The following NPM2 variants were observed in gnomAD, a reference collection of about 807,000 sequenced individuals.
NPM2 encodes the protein nucleophosmin/nucleoplasmin 2.
Under a neutral mutation model 32.0 loss-of-function variants are expected in NPM2, and 25 were observed. That is an observed-to-expected ratio of 0.78 (90% CI 0.57 to 1.09). The LOEUF is 1.09. Ranked by LOEUF, NPM2 falls within the 50% of genes least tolerant of loss-of-function variation. The pLI, the probability that NPM2 is intolerant of heterozygous loss-of-function variation, is 0.00. For synonymous variants in NPM2, 111 were observed against 94.2 expected, an observed-to-expected ratio of 1.18 and a Z score of -1.04; for missense variants, 282 against 259.9, an observed-to-expected ratio of 1.08 and a Z score of -0.58.
At chr8:22,029,347 T>C (rs1800359619) in intron 5 of NPM2, among the ~76,000 whole-genome samples, 1 of 152,170 alleles carries the variant, frequency 6.6e-6, no homozygotes, top group South Asian at 2.1e-4. Context: ...ATTCACCACG[T>C]TGGCCAGGCT....
At chr8:22,028,485 ATTT>A (rs34390285) in intron 5 of NPM2, among the ~76,000 whole-genome samples, 1 of 139,318 alleles carries the variant, frequency 7.2e-6, no homozygotes, top group Non-Finnish European at 1.5e-5. Context: ...TGCCCAGCTG[ATTT>A]TTTTTTTTTT....
chr8:22,036,787 AG>A lies in NPM2; in HGVS notation c.*109del. 1 of 1,208,790 alleles carries A rather than the reference AG, an allele frequency of 8.3e-7. No individual in the cohort carries two copies. The highest frequency in any genetic ancestry group is 1.1e-6 in the Non-Finnish European group (1 of 885,386). 74.9% of individuals were successfully genotyped at this position (1,208,790 alleles called of 1,614,324 possible). ...CCCTCCACCTGTGTCTGAATGCAAC[AG>A]GGGTGTTGCGGGGGCAACATGAGAG... On this transcript the variant is annotated 3_prime_UTR_variant, in exon 10 of 10. Transcript: ENST00000518119.
At position 22,036,767 on chromosome 8, in the gene NPM2, C is replaced by A; in HGVS notation, c.*85C>A. ...ACAGGGTGCCCCTGTCCAGCCCCTC[C>A]ACCTGTGTCTGAATGCAACAGGGGT... is the stretch of plus-strand genomic sequence containing the variant. On this transcript the variant is annotated 3_prime_UTR_variant, in exon 10 of 10. Coordinates refer to ENST00000518119, the MANE Select transcript of NPM2 (RefSeq NM_001286680.2). 7.3e-7 allele frequency: 1 copy of A among 1,366,840 alleles called. No individual in the cohort carries two copies. The highest frequency in any genetic ancestry group is 9.8e-7 in the Non-Finnish European group (1 of 1,016,646). 84.7% of individuals were successfully genotyped at this position (1,366,840 alleles called of 1,614,324 possible).
At position 22,024,546 on chromosome 8, in the gene NPM2, C is replaced by T. The variant is rs1178755857; in HGVS notation, c.-218C>T. On this transcript the variant is annotated 5_prime_UTR_variant, in exon 1 of 10. Coordinates refer to ENST00000518119, the MANE Select transcript of NPM2 (RefSeq NM_001286680.2). ...TGGGAACTGGTTAGAACTACAAATT[C>T]CCTCGGCCCCACCCAGACCGACGCC... 1 of 152,402 alleles carries T rather than the reference C, an allele frequency of 6.6e-6. No individual in the cohort carries two copies. The highest frequency in any genetic ancestry group is 1.5e-5 in the Non-Finnish European group (1 of 68,182). The allele number at this position is 152,402 out of a possible 1,614,324, so 9.4% of individuals were successfully genotyped here.
In NPM2 at chr8:22,034,218, A is replaced by C; in HGVS notation, c.474A>C (p.Gln158His). 6.2e-7 allele frequency: 1 copy of C among 1,610,804 alleles called. No individual in the cohort carries two copies. The highest frequency in any genetic ancestry group is 8.5e-7 in the Non-Finnish European group (1 of 1,178,424). ...ATGCAGATATATCTCTGGAGGAGCAAAGCCCTGTCAAACAAGTCAAAAGGC... is the reference window on the plus strand; with the variant it reads ...ATGCAGATATATCTCTGGAGGAGCACAGCCCTGTCAAACAAGTCAAAAGGC... ...DEDADISLEEQSPVKQVKRLV... is the reference protein window; with the variant it reads ...DEDADISLEEHSPVKQVKRLV... The change falls in exon 7 of 10, where the codon CAA becomes CAC. Residue 158 changes from glutamine (Q) to histidine (H), a missense_variant. Gln to His is a conservative substitution (Grantham distance 24). Coordinates refer to ENST00000518119, the MANE Select transcript of NPM2 (RefSeq NM_001286680.2).
At position 22,024,142 on chromosome 8, in the gene NPM2, C is replaced by A; in HGVS notation, c.-622C>A. On this transcript the variant is annotated 5_prime_UTR_variant, in exon 1 of 10. Transcript: ENST00000518119. ...CGCTAGCCGTGCTCCTCAGTGTGCTCCCCGCCCCCTGCCGCGGCGCCTCGC... is the reference window on the plus strand; with the variant it reads ...CGCTAGCCGTGCTCCTCAGTGTGCTACCCGCCCCCTGCCGCGGCGCCTCGC... 1 of 152,894 alleles carries A rather than the reference C, an allele frequency of 6.5e-6. No individual in the cohort carries two copies. Among genetic ancestry groups the A allele is most frequent in the South Asian group, 1.9e-4 (1 of 5,156 alleles). 9.5% of individuals were successfully genotyped at this position (152,894 alleles called of 1,614,324 possible).
At chr8:22,025,106 C>T (rs990890672) in intron 2 of NPM2, 110 bp from the exon 3 acceptor site, 81 of 865,464 alleles carry the variant, frequency 9.4e-5, no homozygotes, top group Middle Eastern at 3.4e-4. Flanking sequence ...CAGGTCCCCT[C>T]CAGCCGCGAG....
intron 3 of NPM2, 30 bp downstream of exon 3, chr8:22,025,336 G>C: frequency 6.2e-7 from 1 of 1,601,614 alleles, no homozygotes; most frequent in South Asian, 1.1e-5. Context: ...CCTTCCCAGA[G>C]ACACGCCCCA....
At chr8:22,034,398 A>T in intron 7 of NPM2, 112 bp from the exon 8 acceptor site, 1 of 1,364,890 alleles carries the variant, frequency 7.3e-7, no homozygotes, top group South Asian at 1.3e-5. Flanking sequence ...GGCCAAGGCC[A>T]CCTCAGCTAG....
intron 5 of NPM2, among the ~76,000 whole-genome samples, chr8:22,030,996 T>A (rs981666279): frequency 2.0e-5 from 3 of 152,238 alleles, no homozygotes; most frequent in Admixed American, 6.5e-5. Context: ...TTTTGTTTTT[T>A]TCCAAAAGAA....
At chr8:22,026,454 C>CTTTTTTT (rs1171179196) in intron 5 of NPM2, among the ~76,000 whole-genome samples, 8,143 of 110,312 alleles carry the variant, frequency 0.074, 514 homozygotes, top group East Asian at 0.2. Flanking sequence ...CAGTTCTTGC[C>CTTTTTTT]TTTTTTTTTT....
chr8:22,026,220 G>C (rs536868084), intron 5 of NPM2, among the ~76,000 whole-genome samples: 165 of 152,114 alleles, frequency 1.1e-3, no homozygotes, highest in African/African-American at 3.9e-3. Flanking sequence ...ATCTGAGGTG[G>C]AGCAGTTTCA....
chr8:22,033,079 A>T, intron 5 of NPM2, 51 bp from the exon 6 acceptor site: 1 of 1,368,376 alleles, frequency 7.3e-7, no homozygotes. Flanking sequence ...CTAGTCCCCG[A>T]GAGGTGCCAG....
In NPM2 at chr8:22,025,648, T is replaced by A. The variant is rs1800220879; in HGVS notation, c.146T>A (p.Ile49Asn). The change falls in exon 5 of 10, where the codon ATT (isoleucine) becomes AAT (asparagine). Residue 49 changes from isoleucine to asparagine, a missense_variant and splice_region_variant. By Grantham distance (149) the Ile-to-Asn change is moderately radical (BLOSUM62 -3). Coordinates refer to ENST00000518119, the MANE Select transcript of NPM2 (RefSeq NM_001286680.2). ...GCCTCTATTTTCAACCCCGCTCAGA[T>A]TTGCTTGGGGGAGAAAGCCAAAGAG... is the stretch of plus-strand genomic sequence containing the variant. ...KQSCRLLLHT[I>N]CLGEKAKEEM... is the part of the protein sequence containing the mutation. 7 of 1,614,074 alleles carry A rather than the reference T, an allele frequency of 4.3e-6. No individual in the cohort carries two copies. The Admixed American group carries it at 1.2e-4, about 27-fold the overall frequency.
At chr8:22,027,665 G>A (rs764255458) in intron 5 of NPM2, among the ~76,000 whole-genome samples, 2 of 150,978 alleles carry the variant, frequency 1.3e-5, no homozygotes, top group Non-Finnish European at 2.9e-5. Flanking sequence ...GGAGTGCAAT[G>A]GTGCGCTCTC....
intron 7 of NPM2, 90 bp downstream of exon 7, chr8:22,034,365 TC>T: frequency 7.0e-7 from 1 of 1,418,704 alleles, no homozygotes; most frequent in Non-Finnish European, 9.7e-7. Flanking sequence ...TGGGCCAGCC[TC>T]CCAGAATGAG....
rs758261807 is a variant in NPM2, at chr8:22,025,630, T to C, written c.145-17T>C. On this transcript the variant is annotated splice_polypyrimidine_tract_variant and intron_variant, in intron 4 of 9. Coordinates refer to ENST00000518119, the MANE Select transcript of NPM2 (RefSeq NM_001286680.2). ...CCCTCAGGGTGATGAGGGGCCTCTA[T>C]TTTCAACCCCGCTCAGATTTGCTTG... The C allele has an allele frequency of 6.2e-7, 1 of 1,614,110 alleles. No homozygotes were observed. Among genetic ancestry groups the C allele is most frequent in the South Asian group, 1.1e-5 (1 of 91,080 alleles).
chr8:22,035,314 C>T (rs1447532588), intron 8 of NPM2, among the ~76,000 whole-genome samples: 2 of 152,154 alleles, frequency 1.3e-5, no homozygotes, highest in Non-Finnish European at 2.9e-5. Flanking sequence ...TGCTCTGCCA[C>T]CCAGGCTGGA....
chr8:22,024,874 C>A (rs1800180398), intron 2 of NPM2, 44 bp downstream of exon 2: 1 of 233,324 alleles, frequency 4.3e-6, no homozygotes, highest in Admixed American at 5.9e-5. Flanking sequence ...CGCGCGCACA[C>A]CCCTTTCTCT....
Sources: allele counts gnomAD v4.1 joint callset (sites outside exome capture counted in the v4.1 genomes callset), GRCh38; gene constraint gnomAD v4.1.1; transcripts MANE v1.5; gene names NCBI Gene and HGNC (gene_info 2026-07-23, HGNC 2026-07-21).